Variants in SLC35F4 observed in about 807,000 individuals in gnomAD.
SLC35F4 encodes the protein solute carrier family 35 member F4.
Under a neutral mutation model 44.2 loss-of-function variants are expected in SLC35F4, and 24 were observed. The ratio of observed to expected loss-of-function variants is 0.54; its 90% CI spans 0.39 to 0.76. The LOEUF (loss-of-function observed/expected upper bound fraction) is 0.76, where lower values mean the gene tolerates loss of function less well. Ranked by LOEUF, SLC35F4 falls within the 30% of genes least tolerant of loss-of-function variation. The probability of loss-of-function intolerance (pLI) is 0.00; values close to 1 mark genes in which losing one functional copy is unlikely to be tolerated. For missense variants in SLC35F4, 562 were observed against 586.1 expected (o/e 0.96, Z 0.42); for synonymous variants, 238 against 223.6 (o/e 1.06, Z -0.57).
intron 1 of SLC35F4, among the ~76,000 whole-genome samples, chr14:57,812,077 A>G (rs1231451287): frequency 6.6e-6 from 1 of 152,214 alleles, no homozygotes; most frequent in African/African-American, 2.4e-5. Context: ...TTGCTATTGC[A>G]GTTGCCCACC....
chr14:57,908,063 T>C (rs1450390305), intron 1 of SLC35F4, among the ~76,000 whole-genome samples: 1 of 152,138 alleles, frequency 6.6e-6, no homozygotes, highest in Non-Finnish European at 1.5e-5. Context: ...TGTTCCCATG[T>C]TAGTTTGCTG....
intron 1 of SLC35F4, among the ~76,000 whole-genome samples, chr14:57,861,201 C>T (rs1483907446): frequency 1.3e-5 from 2 of 152,146 alleles, no homozygotes; most frequent in African/African-American, 4.8e-5. Flanking sequence ...ACCATCCTCA[C>T]TCTCATTTGG....
intron 1 of SLC35F4, among the ~76,000 whole-genome samples, chr14:57,746,626 A>G (rs560112260): frequency 8.4e-6 from 1 of 119,174 alleles, no homozygotes. Context: ...TATCTTTGTT[A>G]AAAAAAGTTT....
intron 1 of SLC35F4, among the ~76,000 whole-genome samples, chr14:57,764,250 AT>A (rs1308277611): frequency 1.3e-5 from 2 of 152,134 alleles, no homozygotes; most frequent in Non-Finnish European, 2.9e-5. Flanking sequence ...CTTTAAGATG[AT>A]TTGTTATGTA....
At chr14:57,705,994 G>T (rs1353286772) in intron 1 of SLC35F4, among the ~76,000 whole-genome samples, 1 of 152,118 alleles carries the variant, frequency 6.6e-6, no homozygotes, top group Non-Finnish European at 1.5e-5. Flanking sequence ...TCCAAAAGAA[G>T]GCACCTTTAA....
intron 1 of SLC35F4, among the ~76,000 whole-genome samples, chr14:57,678,669 A>G (rs1327145007): frequency 6.6e-6 from 1 of 151,634 alleles, no homozygotes; most frequent in Admixed American, 6.6e-5. Context: ...AAAGGGATGG[A>G]GGAATATTTA....
intron 5 of SLC35F4, among the ~76,000 whole-genome samples, chr14:57,571,381 C>T (rs553509670): frequency 9.9e-4 from 151 of 152,310 alleles, no homozygotes; most frequent in African/African-American, 3.1e-3. Context: ...GCTAGTAACA[C>T]GAGCTCCTGT....
chr14:57,776,383 T>C (rs564742317), intron 1 of SLC35F4, among the ~76,000 whole-genome samples: 130 of 152,156 alleles, frequency 8.5e-4, no homozygotes, highest in African/African-American at 3.1e-3. Flanking sequence ...GAAAAAAACA[T>C]TAAAGCCTGG....
intron 1 of SLC35F4, among the ~76,000 whole-genome samples, chr14:57,827,140 A>T (rs1295282976): frequency 1.3e-5 from 2 of 152,230 alleles, no homozygotes; most frequent in South Asian, 4.1e-4. Context: ...TGGATAAAGA[A>T]AATGTGGTAT....
At chr14:57,739,238 T>C (rs1294530039) in intron 1 of SLC35F4, among the ~76,000 whole-genome samples, 3 of 152,144 alleles carry the variant, frequency 2.0e-5, no homozygotes, top group Non-Finnish European at 4.4e-5. Flanking sequence ...AAAATCTCCA[T>C]GAAACATTTC....
chr14:57,754,729 C>T (rs973925498), intron 1 of SLC35F4, among the ~76,000 whole-genome samples: 3 of 152,192 alleles, frequency 2.0e-5, no homozygotes, highest in Non-Finnish European at 4.4e-5. Flanking sequence ...ACAGGCCTCA[C>T]GGCCTCTGGG....
At chr14:57,689,851 C>T (rs956136106) in intron 1 of SLC35F4, among the ~76,000 whole-genome samples, 7 of 151,690 alleles carry the variant, frequency 4.6e-5, no homozygotes, top group African/African-American at 7.3e-5. Flanking sequence ...CAAACCTGCA[C>T]GTTGTGCACA....
At chr14:57,923,206 C>G (rs1383537539) in intron 1 of SLC35F4, among the ~76,000 whole-genome samples, 3 of 152,154 alleles carry the variant, frequency 2.0e-5, no homozygotes, top group Non-Finnish European at 4.4e-5. Flanking sequence ...CAAACACTTT[C>G]TCAAAGTGTA....
intron 1 of SLC35F4, among the ~76,000 whole-genome samples, chr14:57,924,134 G>A (rs1185105474): frequency 6.6e-6 from 1 of 152,212 alleles, no homozygotes; most frequent in African/African-American, 2.4e-5. Flanking sequence ...GGCCTCACCA[G>A]CCATGTGGAA....
At chr14:57,817,086 A>G (rs1409009431) in intron 1 of SLC35F4, among the ~76,000 whole-genome samples, 4 of 152,164 alleles carry the variant, frequency 2.6e-5, no homozygotes, top group East Asian at 3.9e-4. Context: ...CAGTATCACT[A>G]TCAAAAGGCT....
chr14:57,851,300 C>T (rs931949271), intron 1 of SLC35F4, among the ~76,000 whole-genome samples: 3 of 152,064 alleles, frequency 2.0e-5, no homozygotes, highest in Non-Finnish European at 4.4e-5. Flanking sequence ...ATAGATAAAA[C>T]TCAGTGGAAT....
At chr14:57,704,272 G>A (rs1047797304) in intron 1 of SLC35F4, among the ~76,000 whole-genome samples, 6 of 152,066 alleles carry the variant, frequency 3.9e-5, no homozygotes, top group Non-Finnish European at 7.4e-5. Flanking sequence ...CTGGTCGGAC[G>A]GAAACCTCTG....
intron 1 of SLC35F4, among the ~76,000 whole-genome samples, chr14:57,790,341 C>A (rs1162155110): frequency 6.6e-6 from 1 of 151,482 alleles, no homozygotes; most frequent in Non-Finnish European, 1.5e-5. Context: ...AATTCCTATA[C>A]AACAATAATA....
At chr14:57,682,305 C>T (rs921956350) in intron 1 of SLC35F4, among the ~76,000 whole-genome samples, 1 of 152,128 alleles carries the variant, frequency 6.6e-6, no homozygotes, top group Admixed American at 6.5e-5. Context: ...CCACGGAATA[C>T]TATGTAGCCA....
Sources: allele counts gnomAD v4.1 joint callset (sites outside exome capture counted in the v4.1 genomes callset), GRCh38; gene constraint gnomAD v4.1.1; transcripts MANE v1.5; gene names NCBI Gene and HGNC (gene_info 2026-07-23, HGNC 2026-07-21).